GULP1: variants seen among roughly 807,000 people sequenced by gnomAD.
The protein encoded by GULP1 is GULP PTB domain containing engulfment adaptor 1.
A neutral mutation model predicts 40.9 loss-of-function variants in GULP1; 19 were observed. The ratio of observed to expected loss-of-function variants is 0.46; its 90% CI spans 0.32 to 0.68. The LOEUF is 0.68. GULP1 is among the 30% of genes least tolerant of loss of function. GULP1 has a pLI of 0.03. For synonymous variants in GULP1, 119 were observed against 117.6 expected (o/e 1.01, Z -0.08); for missense variants, 312 against 362.2 (o/e 0.86, Z 1.12).
chr2:188,492,024 C>T lies in GULP1; in HGVS notation c.90+8532C>T, dbSNP rs1268856073. 5.3e-5 allele frequency among the ~76,000 whole-genome samples: 8 copies of T among 151,848 alleles called. No individual in the cohort carries two copies. The East Asian group carries it at 5.8e-4, about 11-fold the overall frequency. ...TAAACCTTTAAATCATTTTCATAAA[C>T]GTAAACATAGACTCCAGATAGTATA... On this transcript the variant is annotated intron_variant, in intron 4 of 11. Coordinates refer to ENST00000409830, the MANE Select transcript of GULP1 (RefSeq NM_016315.4).
chr2:188,377,155 G>C (rs1306023226), intron 1 of GULP1, among the ~76,000 whole-genome samples: 1 of 150,898 alleles, frequency 6.6e-6, no homozygotes, highest in Non-Finnish European at 1.5e-5. Context: ...CTGGGCAACA[G>C]AGCGAGACTC....
At chr2:188,311,353 T>G (rs184981662) in intron 1 of GULP1, among the ~76,000 whole-genome samples, 99 of 152,190 alleles carry the variant, frequency 6.5e-4, no homozygotes, top group Non-Finnish European at 1.5e-5. Flanking sequence ...TGCGCCACCG[T>G]GCCCAGCTAA....
chr2:188,482,713 T>TATAA (rs1430751294), intron 3 of GULP1, among the ~76,000 whole-genome samples: 24 of 151,152 alleles, frequency 1.6e-4, no homozygotes, highest in African/African-American at 5.6e-4. Context: ...AATAACAAGA[T>TATAA]ATAAATAATA....
intron 1 of GULP1, among the ~76,000 whole-genome samples, chr2:188,298,575 T>A (rs939554581): frequency 2.0e-5 from 3 of 152,152 alleles, no homozygotes; most frequent in African/African-American, 7.2e-5. Context: ...TTTTTCTGTT[T>A]TAATGCATCA....
chr2:188,371,516 G>A (rs551498014), intron 1 of GULP1, among the ~76,000 whole-genome samples: 58 of 152,170 alleles, frequency 3.8e-4, no homozygotes, highest in Non-Finnish European at 6.8e-4. Flanking sequence ...ATCTTTCAAC[G>A]TTGATTTTCT....
At chr2:188,450,966 G>A (rs1161883180) in intron 2 of GULP1, among the ~76,000 whole-genome samples, 1 of 152,084 alleles carries the variant, frequency 6.6e-6, no homozygotes, top group Non-Finnish European at 1.5e-5. Context: ...AGGAAGTTTT[G>A]CCTTCACCTT....
intron 2 of GULP1, among the ~76,000 whole-genome samples, chr2:188,392,650 T>C (rs182797371): frequency 6.6e-6 from 1 of 152,198 alleles, no homozygotes; most frequent in East Asian, 1.9e-4. Flanking sequence ...TTTGGTTTGT[T>C]CTTGTTTCTC....
At chr2:188,442,460 T>G (rs1379846448) in intron 2 of GULP1, among the ~76,000 whole-genome samples, 1 of 152,182 alleles carries the variant, frequency 6.6e-6, no homozygotes, top group Non-Finnish European at 1.5e-5. Context: ...AAAAAGGCAT[T>G]TAGATGTTAT....
chr2:188,359,400 A>G (rs151167950), intron 1 of GULP1, among the ~76,000 whole-genome samples: 1 of 152,282 alleles, frequency 6.6e-6, no homozygotes, highest in East Asian at 1.9e-4. Context: ...TCTTAAAATG[A>G]CAGTAAAATA....
At chr2:188,385,859 A>G (rs1470632545) in intron 2 of GULP1, among the ~76,000 whole-genome samples, 1 of 152,118 alleles carries the variant, frequency 6.6e-6, no homozygotes, top group Non-Finnish European at 1.5e-5. Context: ...AGACCACCTC[A>G]GCCTGGATGT....
intron 2 of GULP1, among the ~76,000 whole-genome samples, chr2:188,465,443 C>T (rs997099575): frequency 6.6e-6 from 1 of 151,884 alleles, no homozygotes; most frequent in Non-Finnish European, 1.5e-5. Flanking sequence ...AAGGGGTCTC[C>T]TTTGCAGCCA....
At chr2:188,567,988 A>G (rs1409291966) in intron 7 of GULP1, among the ~76,000 whole-genome samples, 2 of 152,108 alleles carry the variant, frequency 1.3e-5, no homozygotes, top group African/African-American at 4.8e-5. Context: ...TTTATTTGGT[A>G]GTTTTTATTA....
At chr2:188,512,826 G>A (rs1035529130) in intron 4 of GULP1, among the ~76,000 whole-genome samples, 13 of 142,150 alleles carry the variant, frequency 9.1e-5, no homozygotes, top group African/African-American at 3.4e-4. Context: ...CATCACTTGT[G>A]GAAATTAGCT....
At chr2:188,345,110 AGTGTGGT>A (rs2043462374) in intron 1 of GULP1, among the ~76,000 whole-genome samples, 1 of 152,128 alleles carries the variant, frequency 6.6e-6, no homozygotes, top group Admixed American at 6.6e-5. Flanking sequence ...TTGCTAACTA[AGTGTGGT>A]TTTGAAAAAT....
chr2:188,398,024 A>G (rs1427688182), intron 2 of GULP1, among the ~76,000 whole-genome samples: 1 of 152,202 alleles, frequency 6.6e-6, no homozygotes, highest in Admixed American at 6.5e-5. Context: ...ATAATTTAGG[A>G]TCTTTAGATG....
intron 9 of GULP1, among the ~76,000 whole-genome samples, chr2:188,576,185 G>C (rs940218486): frequency 6.6e-6 from 1 of 151,828 alleles, no homozygotes; most frequent in Non-Finnish European, 1.5e-5. Context: ...ATGCTTATTC[G>C]ATGGCTGAAT....
At chr2:188,573,259 T>C (rs765097132) in intron 9 of GULP1, among the ~76,000 whole-genome samples, 3 of 144,988 alleles carry the variant, frequency 2.1e-5, no homozygotes, top group South Asian at 4.1e-4. Flanking sequence ...AATAAACTCG[T>C]AGAACACTTA....
chr2:188,294,896 C>G (rs184011296), intron 1 of GULP1, among the ~76,000 whole-genome samples: 102 of 152,268 alleles, frequency 6.7e-4, no homozygotes, highest in South Asian at 5.4e-3. Context: ...AGGAATACTT[C>G]TATGTTGAAT....
intron 2 of GULP1, among the ~76,000 whole-genome samples, chr2:188,454,239 C>A (rs2059072944): frequency 2.6e-5 from 4 of 152,164 alleles, no homozygotes; most frequent in Admixed American, 2.6e-4. Flanking sequence ...CTGCTCTCAG[C>A]AGAGAGGGGA....
Sources: allele counts gnomAD v4.1 joint callset (sites outside exome capture counted in the v4.1 genomes callset), GRCh38; gene constraint gnomAD v4.1.1; transcripts MANE v1.5; gene names NCBI Gene and HGNC (gene_info 2026-07-23, HGNC 2026-07-21).